OGFOD3: variants seen among roughly 807,000 people sequenced by gnomAD.
The protein encoded by OGFOD3 is 2-oxoglutarate and iron-dependent oxygenase domain-containing protein 3.
A neutral mutation model predicts 39.8 loss-of-function variants in OGFOD3; 35 were observed. The ratio of observed to expected loss-of-function variants is 0.88; its 90% CI spans 0.67 to 1.17. The LOEUF (loss-of-function observed/expected upper bound fraction) is 1.17. Among genes scored for constraint, OGFOD3 ranks in the 50% most tolerant of loss-of-function variants. OGFOD3 has a pLI of 0.00. For synonymous variants in OGFOD3, 200 were observed against 192.0 expected, an observed-to-expected ratio of 1.04 and a Z score of -0.34; for missense variants, 438 against 454.5, an observed-to-expected ratio of 0.96 and a Z score of 0.33.
intron 2 of OGFOD3, among the ~76,000 whole-genome samples, chr17:82,412,834 A>G (rs1202538170): frequency 3.9e-5 from 6 of 152,274 alleles, no homozygotes; most frequent in African/African-American, 1.4e-4. Context: ...ACTCCACAAT[A>G]TGCTTTTCCT....
intron 3 of OGFOD3, among the ~76,000 whole-genome samples, 177 bp from the exon 4 acceptor site, chr17:82,409,587 G>A (rs556928356): frequency 1.8e-4 from 28 of 152,310 alleles, no homozygotes; most frequent in Admixed American, 1.1e-3. Context: ...GTGCGTAAGC[G>A]ACAATACTGC....
chr17:82,407,110 G>C (rs12600893), intron 4 of OGFOD3, among the ~76,000 whole-genome samples: 38,937 of 151,796 alleles, frequency 0.26, 5,359 homozygotes, highest in South Asian at 0.44. Flanking sequence ...GCTGTAGCTG[G>C]GACACCTACA....
intron 7 of OGFOD3, among the ~76,000 whole-genome samples, chr17:82,403,654 C>A (rs1219265009): frequency 6.6e-6 from 1 of 152,204 alleles, no homozygotes; most frequent in Non-Finnish European, 1.5e-5. Context: ...TAACACCATG[C>A]ACACAGCAGG....
rs1004937156 is a variant in OGFOD3 at position 82,415,718 on chromosome 17, G to A, written c.75-91C>T. 2.4e-5 allele frequency: 28 copies of A among 1,161,878 alleles called. No individual in the cohort carries two copies. The highest frequency in any genetic ancestry group is 2.6e-5 in the Non-Finnish European group (22 of 832,212). The allele number at this position is 1,161,878 out of a possible 1,614,324, so 72.0% of individuals were successfully genotyped here. ...CATCAAAGTGCATGCACCATGACCC[G>A]GCCTTCACTCACACGTCACCCCTGA... On this transcript the variant is annotated intron_variant, in intron 1 of 8. Transcript: ENST00000313056. This position sits in a 1 kb window ranked among gnomAD's most constrained non-coding sequence, Gnocchi z 5.3.
In OGFOD3 at chr17:82,415,405, C is replaced by T. The variant is rs1567876094; in HGVS notation, c.297G>A (p.Arg99=). Residue 99 remains arginine (R), a synonymous_variant, in exon 2 of 9, where the codon AGG becomes AGA. Transcript: ENST00000313056. The surrounding 1 kb of genome is among the most constrained non-coding windows in gnomAD (Gnocchi z 5.3). ...PCSEDYDSHR[R]FEGCTPRKCG... The stretch of plus-strand genomic sequence containing the variant: ...GTTGCTTTCCTGAACTACCTTCGAA[C>T]CTGCGGTGACTGTCGTAGTCCTCAG... 5 of 1,613,042 alleles carry T rather than the reference C, an allele frequency of 3.1e-6. No individual in the cohort carries two copies. Among genetic ancestry groups the T allele is most frequent in the East Asian group, 4.5e-5 (2 of 44,850 alleles).
Position 82,418,493 on chromosome 17 carries a change from G to C in OGFOD3, c.-8C>G, listed in dbSNP as rs1690658313. 7.2e-7 allele frequency: 1 copy of C among 1,392,798 alleles called. No individual in the cohort carries two copies. The highest frequency in any genetic ancestry group is 9.3e-7 in the Non-Finnish European group (1 of 1,075,496). The allele number at this position is 1,392,798 out of a possible 1,614,324, so 86.3% of individuals were successfully genotyped here. On this transcript the variant is annotated 5_prime_UTR_variant, in exon 1 of 9. Coordinates refer to ENST00000313056, the MANE Select transcript of OGFOD3 (RefSeq NM_024648.3). Reference sequence around the variant, plus strand: ...CCTCCGCTGAGGAGCCATCGGACCAGGCCGCCGCGGAGCCGGGCCGGACGC... The same window carrying C: ...CCTCCGCTGAGGAGCCATCGGACCACGCCGCCGCGGAGCCGGGCCGGACGC...
chr17:82,395,542 C>A (rs556218732), intron 8 of OGFOD3, among the ~76,000 whole-genome samples: 7 of 152,342 alleles, frequency 4.6e-5, no homozygotes, highest in Admixed American at 4.6e-4. Context: ...TGCGACACGG[C>A]CGGGCGTGGT....
intron 3 of OGFOD3, 101 bp from the exon 4 acceptor site, chr17:82,409,511 C>T: frequency 9.4e-7 from 1 of 1,065,658 alleles, no homozygotes; most frequent in East Asian, 2.4e-5. Flanking sequence ...ATTAGTGGGT[C>T]CTGCGTGTTT....
chr17:82,393,382 A>G (rs1290634866), intron 8 of OGFOD3: 1 of 152,202 alleles, frequency 6.6e-6, no homozygotes, highest in Non-Finnish European at 1.5e-5. Flanking sequence ...TTGAAAGGGG[A>G]GAGAAGTCCA....
In OGFOD3 at chr17:82,389,501, C is replaced by G. The variant is rs2052577546; in HGVS notation, c.*2897G>C. On this transcript the variant is annotated 3_prime_UTR_variant, in exon 9 of 9. Transcript: ENST00000313056. The surrounding 1 kb of genome is among the most constrained non-coding windows in gnomAD (Gnocchi z 4.6). ...TTTTTATTTTTTTAAAATGCCCAGG[C>G]TTCAATGATAAATTTTTTTTTGAGA... 6.6e-6 allele frequency: 1 copy of G among 152,168 alleles called. No individual in the cohort carries two copies. The highest frequency in any genetic ancestry group is 6.5e-5 in the Admixed American group (1 of 15,272). 9.4% of individuals were successfully genotyped at this position (152,168 alleles called of 1,614,324 possible). A position where few individuals can be genotyped will look rare whatever the true frequency, so the allele number is the denominator to read the frequency against.
At chr17:82,394,467 C>T (rs758959243) in intron 8 of OGFOD3, 40 of 1,613,906 alleles carry the variant, frequency 2.5e-5, no homozygotes, top group Non-Finnish European at 2.7e-5. Flanking sequence ...CTCCAGCCTT[C>T]GCACCAGCAG....
At chr17:82,397,647 A>G (rs1024426592) in intron 8 of OGFOD3, among the ~76,000 whole-genome samples, 4 of 152,040 alleles carry the variant, frequency 2.6e-5, no homozygotes, top group African/African-American at 7.2e-5. Context: ...CGCTCGGCAA[A>G]TGCTCACTGG....
intron 8 of OGFOD3, among the ~76,000 whole-genome samples, chr17:82,395,663 TACAA>T (rs2052660769): frequency 2.0e-5 from 3 of 151,838 alleles, no homozygotes; most frequent in African/African-American, 4.8e-5. Context: ...CTACTAAAAA[TACAA>T]ACAATTAGCC....
chr17:82,412,110 C>A (rs2052957434), intron 2 of OGFOD3, among the ~76,000 whole-genome samples: 1 of 149,202 alleles, frequency 6.7e-6, no homozygotes, highest in Admixed American at 6.8e-5. Flanking sequence ...ACCACTGGAG[C>A]AGAAAACCCT....
chr17:82,418,302 C>CA (rs2053116442), intron 1 of OGFOD3, 110 bp downstream of exon 1: 1 of 141,108 alleles, frequency 7.1e-6, no homozygotes, highest in Non-Finnish European at 1.5e-5. Flanking sequence ...CTGCCCCCCC[C>CA]CACCCCCCCA....
chr17:82,409,294 C>T (rs929852790), intron 4 of OGFOD3, 74 bp downstream of exon 4: 34 of 1,486,866 alleles, frequency 2.3e-5, no homozygotes, highest in Non-Finnish European at 2.9e-5. Flanking sequence ...CATGTCTGTG[C>T]CTTCCCCTTC....
chr17:82,398,342 G>T, intron 7 of OGFOD3, 23 bp from the exon 8 acceptor site: 1 of 1,613,694 alleles, frequency 6.2e-7, no homozygotes, highest in East Asian at 2.2e-5. Context: ...CCGGGAGGAG[G>T]GGGCAGAATG....
rs760859279 is a variant in OGFOD3, at chr17:82,405,391, A to G, written c.489-11T>C. The G allele has an allele frequency of 4.3e-6, 7 of 1,610,294 alleles. No homozygotes were observed. Among genetic ancestry groups the G allele is most frequent in the Non-Finnish European group, 5.9e-6 (7 of 1,176,502 alleles). On this transcript the variant is annotated splice_polypyrimidine_tract_variant and intron_variant, in intron 5 of 8. Transcript: ENST00000313056. The stretch of plus-strand genomic sequence containing the variant: ...TTATCCCCGAAGTATCTGTGAAAAA[A>G]GGAGTATTCACAAAGGTCACAACAC...
At chr17:82,413,892 A>AG (rs397935859) in intron 2 of OGFOD3, among the ~76,000 whole-genome samples, 5 of 149,908 alleles carry the variant, frequency 3.3e-5, no homozygotes, top group Non-Finnish European at 7.4e-5. Flanking sequence ...AAAAAAAAAA[A>AG]GAAGAAAGAA....
Sources: gnomAD v4.1 joint callset for allele counts (sites outside exome capture counted in the v4.1 genomes callset) on GRCh38, gnomAD v4.1.1 for gene constraint, Gnocchi (gnomAD v3.1) non-coding constraint, MANE v1.5 for transcripts, NCBI Gene and HGNC (gene_info 2026-07-23, HGNC 2026-07-21) for gene names.